Variants in OSER1 observed in about 807,000 individuals in gnomAD.
OSER1 encodes the protein oxidative stress responsive serine rich 1, also known as oxidative stress-responsive serine-rich protein 1.
OSER1 carries 15 observed loss-of-function variants against 26.3 expected under a neutral mutation model. That is an observed-to-expected ratio of 0.57 (90% CI 0.38 to 0.88). The LOEUF (loss-of-function observed/expected upper bound fraction) is 0.88, where lower values mean the gene tolerates loss of function less well. OSER1 is among the 40% of genes least tolerant of loss of function. The pLI, the probability that OSER1 is intolerant of heterozygous loss-of-function variation, is 0.00. For synonymous variants in OSER1, 127 were observed against 128.2 expected (o/e 0.99, Z 0.07); for missense variants, 313 against 353.9 (o/e 0.88, Z 0.93).
chr20:44,204,255 T>C (rs1225519576), intron 2 of OSER1, among the ~76,000 whole-genome samples: 2 of 152,222 alleles, frequency 1.3e-5, no homozygotes, highest in East Asian at 1.9e-4. Context: ...TTGAACAGGA[T>C]CATGCTAAAT....
intron 3 of OSER1, 48 bp from the exon 4 acceptor site, chr20:44,197,787 T>A: frequency 7.9e-7 from 1 of 1,259,108 alleles, no homozygotes; most frequent in Non-Finnish European, 1.1e-6. Context: ...TATGGAGCTG[T>A]CCTAAACAGA....
intron 1 of OSER1, among the ~76,000 whole-genome samples, chr20:44,207,995 C>T (rs1349657095): frequency 1.3e-5 from 2 of 152,054 alleles, no homozygotes; most frequent in African/African-American, 4.8e-5. Flanking sequence ...AGCAAACCAG[C>T]ATCTATGAAC....
chr20:44,205,645 G>C (rs1351555280), intron 2 of OSER1, among the ~76,000 whole-genome samples: 2 of 152,120 alleles, frequency 1.3e-5, no homozygotes, highest in Non-Finnish European at 2.9e-5. Flanking sequence ...GGATGGTTAA[G>C]AGCAGAGGTT....
chr20:44,208,981 G>T (rs2073068122), intron 1 of OSER1, among the ~76,000 whole-genome samples: 1 of 152,260 alleles, frequency 6.6e-6, no homozygotes, highest in East Asian at 1.9e-4. Context: ...TTCCTACCAC[G>T]TGCATGGCAC....
rs757879056 is a variant in OSER1 at position 44,197,434 on chromosome 20, G to T, written c.497C>A (p.Ser166Tyr). ...RLPSESKKED[S>Y]SDATQVPQAS... ...TTGGGGGACTTGGGTAGCGTCAGAG[G>T]AGTCTTCCTTCTTACTCTCTGATGG... The change falls in exon 4 of 4, where the codon TCC becomes TAC. Residue 166 changes from serine to tyrosine, a missense_variant. Ser to Tyr is a moderately radical substitution (Grantham distance 144, BLOSUM62 -2). This residue lies in a region of OSER1 where 300 missense variants were observed against 318.3 expected (regional missense o/e 0.94). Coordinates refer to ENST00000255174, the MANE Select transcript of OSER1 (RefSeq NM_016470.8). The T allele has an allele frequency of 1.2e-6, 2 of 1,614,040 alleles. No homozygotes were observed. The highest frequency in any genetic ancestry group is 2.2e-5 in the East Asian group (1 of 44,890).
chr20:44,210,319 G>C (rs1038378092), intron 1 of OSER1, among the ~76,000 whole-genome samples: 24 of 152,222 alleles, frequency 1.6e-4, no homozygotes, highest in African/African-American at 5.8e-4. Context: ...GAAAGGAGTG[G>C]GGCCGAAGAG....
chr20:44,209,517 T>A (rs546596252), intron 1 of OSER1, among the ~76,000 whole-genome samples: 146 of 152,338 alleles, frequency 9.6e-4, no homozygotes, highest in African/African-American at 3.4e-3. Context: ...TAATATTAAA[T>A]TTGTGGGAGA....
At chr20:44,207,052 C>A in intron 1 of OSER1, 54 bp from the exon 2 acceptor site, 1 of 832,368 alleles carries the variant, frequency 1.2e-6, no homozygotes, top group East Asian at 2.6e-5. Context: ...CAAAAGTATA[C>A]CTGTTACCAT....
At chr20:44,203,244 G>A (rs920566489) in intron 2 of OSER1, among the ~76,000 whole-genome samples, 170 bp from the exon 3 acceptor site, 25 of 151,638 alleles carry the variant, frequency 1.6e-4, no homozygotes, top group African/African-American at 6.1e-4. Flanking sequence ...CAAATCTAGA[G>A]TATCCCTAAA....
At chr20:44,200,568 AG>A (rs1485247493) in intron 3 of OSER1, among the ~76,000 whole-genome samples, 1 of 152,254 alleles carries the variant, frequency 6.6e-6, no homozygotes, top group African/African-American at 2.4e-5. Flanking sequence ...TACAGAGACA[AG>A]GATTTGGAAA....
chr20:44,204,007 C>G (rs935046089), intron 2 of OSER1, among the ~76,000 whole-genome samples: 1 of 152,174 alleles, frequency 6.6e-6, no homozygotes, highest in African/African-American at 2.4e-5. Context: ...AACACCTATA[C>G]ATATATTATG....
chr20:44,208,470 A>T (rs1044042988), intron 1 of OSER1, among the ~76,000 whole-genome samples: 14 of 151,328 alleles, frequency 9.3e-5, no homozygotes, highest in African/African-American at 3.4e-4. Flanking sequence ...ACTTCTTAGG[A>T]CAAAAAAATA....
intron 2 of OSER1, among the ~76,000 whole-genome samples, chr20:44,205,106 A>T (rs986683279): frequency 2.6e-5 from 4 of 152,208 alleles, no homozygotes; most frequent in Non-Finnish European, 5.9e-5. Flanking sequence ...AAGTGCTGGA[A>T]TTACAAGCAT....
At chr20:44,208,486 G>A (rs956610) in intron 1 of OSER1, among the ~76,000 whole-genome samples, 35,002 of 149,880 alleles carry the variant, frequency 0.23, 5,958 homozygotes, top group African/African-American at 0.48. Flanking sequence ...AAATAATTTA[G>A]ATACATTCTC....
rs766126233 is a variant in OSER1, at chr20:44,197,400, G to C, written c.531C>G (p.Leu177=). The change falls in exon 4 of 4, where the codon CTC becomes CTG. Residue 177 remains leucine, a synonymous_variant. Coordinates refer to ENST00000255174, the MANE Select transcript of OSER1 (RefSeq NM_016470.8). The part of the protein sequence containing the change: ...SDATQVPQAS[L]KASDLSDFQS... ...GAAAGTCAGAGAGATCACTGGCTTT[G>C]AGACTTGCTTGGGGGACTTGGGTAG... 1.2e-6 allele frequency: 2 copies of C among 1,614,156 alleles called. No homozygotes were observed. Among genetic ancestry groups the C allele is most frequent in the African/African-American group, 1.3e-5 (1 of 75,070 alleles).
At chr20:44,211,690 G>C (rs2073111810), upstream of OSER1, among the ~76,000 whole-genome samples, 3 of 152,214 alleles carry the variant, frequency 2.0e-5, no homozygotes, top group Admixed American at 2.0e-4. Context: ...ATGTTGCTCA[G>C]ATGGTAGGCG....
chr20:44,203,694 TCACACACACACACACA>T (rs139060435), intron 2 of OSER1, among the ~76,000 whole-genome samples: 3 of 145,362 alleles, frequency 2.1e-5, no homozygotes, highest in Non-Finnish European at 4.5e-5. Context: ...CAGACTTTTT[TCACACACACACACACA>T]CACACACACA....
In OSER1 at chr20:44,197,003, CTT is replaced by C. The variant is rs1022458817; in HGVS notation, c.*47_*48del. 1 of 1,362,766 alleles carries C rather than the reference CTT, an allele frequency of 7.3e-7. No homozygotes were observed. The allele number at this position is 1,362,766 out of a possible 1,614,324, so 84.4% of individuals were successfully genotyped here. Reference sequence around the variant, plus strand: ...ACAAGGTCTGCCATTAACTAAATCTCTTTGACAAGCCTTCATTGGTTTAAAGC... The same window carrying C: ...ACAAGGTCTGCCATTAACTAAATCTCTGACAAGCCTTCATTGGTTTAAAGC... On this transcript the variant is annotated 3_prime_UTR_variant, in exon 4 of 4. Transcript: ENST00000255174.
At chr20:44,207,204 T>C (rs574637437) in intron 1 of OSER1, 1 of 333,226 alleles carries the variant, frequency 3.0e-6, no homozygotes, top group South Asian at 6.6e-5. Flanking sequence ...GAATATAAAC[T>C]GTTCACATAC....
Sources: allele counts gnomAD v4.1 joint callset (sites outside exome capture counted in the v4.1 genomes callset), GRCh38; gene constraint gnomAD v4.1.1; regional missense constraint gnomAD v4.1.1; transcripts MANE v1.5; gene names NCBI Gene and HGNC (gene_info 2026-07-23, HGNC 2026-07-21).